The following ALDH1A2 variants were observed in gnomAD, a reference collection of about 807,000 sequenced individuals.
ALDH1A2 encodes aldehyde dehydrogenase 1 family member A2, also known as retinal dehydrogenase 2.
Under a neutral mutation model 60.3 loss-of-function variants are expected in ALDH1A2, and 27 were observed. The observed-to-expected ratio is 0.45, with a 90% CI of 0.33 to 0.62. The LOEUF (loss-of-function observed/expected upper bound fraction) is 0.62. ALDH1A2 is among the 20% of genes least tolerant of loss of function. The pLI, the probability that ALDH1A2 is intolerant of heterozygous loss-of-function variation, is 0.02. For synonymous variants in ALDH1A2, 289 were observed against 232.4 expected, an observed-to-expected ratio of 1.24 and a Z score of -2.21; for missense variants, 581 against 643.8, an observed-to-expected ratio of 0.90 and a Z score of 1.06.
intron 1 of ALDH1A2, among the ~76,000 whole-genome samples, chr15:58,037,906 GT>G (rs1298370356): frequency 4.6e-5 from 7 of 151,480 alleles, no homozygotes; most frequent in Non-Finnish European, 8.9e-5. Context: ...CACACTTTGT[GT>G]TTTTTTTAGT....
chr15:57,953,456 C>T lies in ALDH1A2; in HGVS notation c.*1741G>A, dbSNP rs1281561997. On this transcript the variant is annotated 3_prime_UTR_variant, in exon 13 of 13. Coordinates refer to ENST00000249750, the MANE Select transcript of ALDH1A2 (RefSeq NM_003888.4). ...CACAATATAAATGCTTTATTGCTAG[C>T]ACAGAGGTTTCTTTTTAAGTAAATT... 6.5e-6 allele frequency: 1 copy of T among 152,752 alleles called. No individual in the cohort carries two copies. The highest frequency in any genetic ancestry group is 1.5e-5 in the Non-Finnish European group (1 of 68,038). 9.5% of individuals were successfully genotyped at this position (152,752 alleles called of 1,614,324 possible). A position where few individuals can be genotyped will look rare whatever the true frequency, so the allele number is the denominator to read the frequency against.
intron 4 of ALDH1A2, among the ~76,000 whole-genome samples, chr15:58,000,025 AG>A (rs1368311543): frequency 6.6e-6 from 1 of 151,954 alleles, no homozygotes; most frequent in Non-Finnish European, 1.5e-5. Flanking sequence ...GGACACAGGA[AG>A]GGGAACAACA....
rs146520247 is a variant in ALDH1A2 at position 57,999,630 on chromosome 15, T to C, written c.494-4491A>G. ...ACTGTTGGTGGGAATGTAAATTAGT[T>C]CAACCATTGTGGAAGACAGTGTGGC... On this transcript the variant is annotated intron_variant, in intron 4 of 12. Coordinates refer to ENST00000249750, the MANE Select transcript of ALDH1A2 (RefSeq NM_003888.4). Among the ~76,000 whole-genome samples the C allele has an allele frequency of 9.9e-3, 1,500 of 152,136 alleles. 29 individuals are homozygous for C. The highest frequency in any genetic ancestry group is 0.032 in the African/African-American group (1,335 of 41,502).
chr15:58,046,629 A>G (rs1043570061), intron 1 of ALDH1A2, among the ~76,000 whole-genome samples: 5 of 152,018 alleles, frequency 3.3e-5, no homozygotes, highest in Non-Finnish European at 5.9e-5. Context: ...TCCTCCGTAA[A>G]AACAGAAATA....
chr15:58,035,689 T>G (rs1473829136), intron 1 of ALDH1A2, among the ~76,000 whole-genome samples: 1 of 151,742 alleles, frequency 6.6e-6, no homozygotes, highest in Non-Finnish European at 1.5e-5. Context: ...CAGAAGTGTG[T>G]TCTTTAATTT....
chr15:58,004,381 T>C (rs556221231), intron 4 of ALDH1A2, among the ~76,000 whole-genome samples: 8 of 151,938 alleles, frequency 5.3e-5, no homozygotes, highest in African/African-American at 1.4e-4. Context: ...CATGGATATA[T>C]TGCATAACTA....
intron 9 of ALDH1A2, among the ~76,000 whole-genome samples, chr15:57,962,747 T>C (rs1423554195): frequency 6.6e-6 from 1 of 151,284 alleles, no homozygotes; most frequent in African/African-American, 2.4e-5. Context: ...ACTGACGGAG[T>C]TATCATTTGC....
At chr15:58,018,688 A>G (rs1285198834) in intron 1 of ALDH1A2, among the ~76,000 whole-genome samples, 2 of 152,204 alleles carry the variant, frequency 1.3e-5, no homozygotes, top group African/African-American at 2.4e-5. Context: ...TGTGCAGCTG[A>G]TATGATATGC....
chr15:57,987,145 C>A (rs1408984750), intron 7 of ALDH1A2, among the ~76,000 whole-genome samples: 2 of 151,250 alleles, frequency 1.3e-5, no homozygotes, highest in Non-Finnish European at 2.9e-5. Context: ...TAGCCGGAAG[C>A]ACAAAGGAAA....
intron 1 of ALDH1A2, among the ~76,000 whole-genome samples, chr15:58,050,651 G>A (rs539955673): frequency 1.4e-4 from 22 of 152,198 alleles, no homozygotes; most frequent in Middle Eastern, 3.4e-3. Flanking sequence ...TCATCAACCG[G>A]AATATTAATT....
intron 4 of ALDH1A2, among the ~76,000 whole-genome samples, chr15:58,006,005 T>C (rs755778165): frequency 6.9e-6 from 1 of 145,018 alleles, no homozygotes; most frequent in Non-Finnish European, 1.5e-5. Flanking sequence ...TTTACGGGCA[T>C]GTATATCCAA....
intron 1 of ALDH1A2, among the ~76,000 whole-genome samples, chr15:58,018,605 A>G (rs1895844709): frequency 6.6e-6 from 1 of 152,190 alleles, no homozygotes; most frequent in East Asian, 1.9e-4. Context: ...TTTATGTTGG[A>G]GAAACTTGGC....
rs2140597401 is a variant in ALDH1A2, at chr15:58,065,332, C to A, written c.117+202G>T. The A allele has an allele frequency of 4.7e-6, 3 of 638,314 alleles. No homozygotes were observed. In the East Asian group the frequency reaches 8.5e-5, roughly 18 times the overall value. 39.5% of individuals were successfully genotyped at this position (638,314 alleles called of 1,614,324 possible). A position where few individuals can be genotyped will look rare whatever the true frequency, so the allele number is the denominator to read the frequency against. On this transcript the variant is annotated intron_variant, in intron 1 of 12. Coordinates refer to ENST00000249750, the MANE Select transcript of ALDH1A2 (RefSeq NM_003888.4). The stretch of plus-strand genomic sequence containing the variant: ...TGCGCTTCGGGTTGGGTTAAGTCCC[C>A]AAGGCGTCCTCAGACCACGGCGGGG...
At chr15:57,991,495 C>G (rs1418293667) in intron 7 of ALDH1A2, 1 of 152,144 alleles carries the variant, frequency 6.6e-6, no homozygotes, top group Non-Finnish European at 1.5e-5. Context: ...ATAATTAACT[C>G]TGTATCAACT....
At chr15:58,046,453 G>A (rs4238328) in intron 1 of ALDH1A2, among the ~76,000 whole-genome samples, 28,003 of 151,874 alleles carry the variant, frequency 0.18, 2,813 homozygotes, top group East Asian at 0.27. Flanking sequence ...CAAGAAATTC[G>A]TTAAAGATTG....
At chr15:58,061,522 G>A (rs1314124136) in intron 1 of ALDH1A2, among the ~76,000 whole-genome samples, 2 of 144,638 alleles carry the variant, frequency 1.4e-5, no homozygotes, top group African/African-American at 5.1e-5. Context: ...CTTAAGAGGG[G>A]TAGACTAGTT....
rs565136099 is a variant in ALDH1A2, at chr15:57,961,241, G to A, written c.1305C>T (p.Ile435=). The part of the protein sequence containing the change: ...ILRFKTMDEV[I]ERANNSDFGL... ...CAAAGTCTGAGTTATTGGCTCTTTC[G>A]ATAACTTCATCCATCGTCTTAAATC... Residue 435 remains isoleucine (I), a synonymous_variant, in exon 11 of 13, where the codon ATC becomes ATT. Coordinates refer to ENST00000249750, the MANE Select transcript of ALDH1A2 (RefSeq NM_003888.4). The A allele has an allele frequency of 1.4e-5, 23 of 1,613,968 alleles. No homozygotes were observed. The highest frequency in any genetic ancestry group is 1.3e-4 in the South Asian group (12 of 91,062).
intron 7 of ALDH1A2, among the ~76,000 whole-genome samples, chr15:57,983,494 G>A (rs1313896291): frequency 2.6e-5 from 4 of 152,194 alleles, no homozygotes; most frequent in African/African-American, 9.6e-5. Context: ...ATTAACAACT[G>A]TGGAATTAAG....
intron 12 of ALDH1A2, among the ~76,000 whole-genome samples, chr15:57,957,808 A>T (rs1318426817): frequency 6.6e-6 from 1 of 152,024 alleles, no homozygotes; most frequent in East Asian, 1.9e-4. Flanking sequence ...TGTTTAGGGT[A>T]TATATTTTCC....
Sources: allele counts gnomAD v4.1 joint callset (sites outside exome capture counted in the v4.1 genomes callset), GRCh38; gene constraint gnomAD v4.1.1; transcripts MANE v1.5; gene names NCBI Gene and HGNC (gene_info 2026-07-23, HGNC 2026-07-21).